Variants in CTNND2 observed in about 807,000 individuals in gnomAD.
CTNND2 encodes the protein catenin delta-2.
In CTNND2, 22 loss-of-function variants were observed where a neutral mutation model predicts 144.4. The ratio of observed to expected loss-of-function variants is 0.15; its 90% CI spans 0.11 to 0.22. The LOEUF (loss-of-function observed/expected upper bound fraction) is 0.22, where lower values mean the gene tolerates loss of function less well. Among genes scored for constraint, CTNND2 ranks in the 10% least tolerant of loss-of-function variants. The pLI is 1.00. For missense variants in CTNND2, 1,353 were observed against 1,618.8 expected (o/e 0.84, Z 2.82); for synonymous variants, 751 against 695.6 (o/e 1.08, Z -1.25).
intron 1 of CTNND2, among the ~76,000 whole-genome samples, chr5:11,841,854 T>C (rs1794490423): frequency 6.6e-6 from 1 of 151,296 alleles, no homozygotes; most frequent in Admixed American, 6.6e-5. Flanking sequence ...TAATAGCTCA[T>C]CTAGTATCCA....
At chr5:11,471,209 C>G (rs1430203310) in intron 3 of CTNND2, among the ~76,000 whole-genome samples, 1 of 151,624 alleles carries the variant, frequency 6.6e-6, no homozygotes, top group Non-Finnish European at 1.5e-5. Context: ...GATCTCCTGA[C>G]CTCATGATCC....
At chr5:11,287,265 G>A (rs746980230) in intron 9 of CTNND2, among the ~76,000 whole-genome samples, 4 of 152,124 alleles carry the variant, frequency 2.6e-5, no homozygotes, top group East Asian at 1.9e-4. Context: ...CCCAAAATGC[G>A]CATGGGCCTC....
intron 1 of CTNND2, among the ~76,000 whole-genome samples, chr5:11,782,317 A>T (rs1790583150): frequency 6.6e-6 from 1 of 152,218 alleles, no homozygotes; most frequent in African/African-American, 2.4e-5. Flanking sequence ...CAAATGTTTG[A>T]AAACCAGTGC....
intron 9 of CTNND2, among the ~76,000 whole-genome samples, chr5:11,261,423 A>G (rs946117028): frequency 5.9e-5 from 9 of 152,190 alleles, no homozygotes; most frequent in African/African-American, 2.2e-4. Flanking sequence ...AAGCTACCCA[A>G]TGTCCTCCCG....
intron 12 of CTNND2, among the ~76,000 whole-genome samples, chr5:11,129,322 A>T (rs1371246110): frequency 9.4e-6 from 1 of 106,814 alleles, no homozygotes; most frequent in Non-Finnish European, 1.8e-5. Flanking sequence ...AAATATATAT[A>T]ATATATATAT....
intron 3 of CTNND2, among the ~76,000 whole-genome samples, chr5:11,464,081 C>A (rs1047257632): frequency 6.6e-6 from 1 of 152,094 alleles, no homozygotes; most frequent in South Asian, 2.1e-4. Context: ...AAATTAAATT[C>A]TAAGTAGGTA....
At chr5:10,999,903 C>T (rs1281166292) in intron 18 of CTNND2, among the ~76,000 whole-genome samples, 1 of 152,226 alleles carries the variant, frequency 6.6e-6, no homozygotes, top group Non-Finnish European at 1.5e-5. Context: ...CCCAAAGCTA[C>T]AATCGTCCAT....
intron 3 of CTNND2, among the ~76,000 whole-genome samples, chr5:11,500,813 C>T (rs1770458493): frequency 6.6e-6 from 1 of 152,140 alleles, no homozygotes; most frequent in African/African-American, 2.4e-5. Flanking sequence ...ATGTGAAGAA[C>T]ATAAATAGAA....
At chr5:11,678,250 T>C (rs915090383) in intron 2 of CTNND2, among the ~76,000 whole-genome samples, 1 of 152,196 alleles carries the variant, frequency 6.6e-6, no homozygotes, top group Non-Finnish European at 1.5e-5. Flanking sequence ...CCTACTCTGA[T>C]AGAAATGTGT....
rs115788469 is a variant in CTNND2, at chr5:11,122,764, C to T, written c.2160-5197G>A. 2.6e-3 allele frequency among the ~76,000 whole-genome samples: 398 copies of T among 151,972 alleles called. 1 individual carries two copies. The highest frequency in any genetic ancestry group is 9.3e-3 in the African/African-American group (386 of 41,446). ...GGGCTGTCTGGAGGGTGTTAGAGAA[C>T]AGAACTAGGTTTAAGTGATACAGAG... On this transcript the variant is annotated intron_variant, in intron 12 of 21. Coordinates refer to ENST00000304623, the MANE Select transcript of CTNND2 (RefSeq NM_001332.4).
intron 2 of CTNND2, among the ~76,000 whole-genome samples, chr5:11,668,828 T>C (rs1783713941): frequency 6.6e-6 from 1 of 152,182 alleles, no homozygotes; most frequent in Admixed American, 6.5e-5. Flanking sequence ...AGAGATGACA[T>C]CCTTGTCTTG....
chr5:11,510,500 CT>C (rs1400019784), intron 3 of CTNND2, among the ~76,000 whole-genome samples: 3 of 152,162 alleles, frequency 2.0e-5, no homozygotes, highest in African/African-American at 7.2e-5. Context: ...ATTTGTACAG[CT>C]GAATAACCTT....
At chr5:11,740,940 T>C (rs1162694986) in intron 1 of CTNND2, among the ~76,000 whole-genome samples, 1 of 152,118 alleles carries the variant, frequency 6.6e-6, no homozygotes, top group Non-Finnish European at 1.5e-5. Context: ...AAGACAACAT[T>C]TATGCAGCCA....
At chr5:11,319,668 C>CT (rs934681240) in intron 9 of CTNND2, among the ~76,000 whole-genome samples, 2 of 152,074 alleles carry the variant, frequency 1.3e-5, no homozygotes, top group African/African-American at 4.8e-5. Context: ...TTACAGGCTC[C>CT]TGCCACCACA....
chr5:11,238,216 A>G (rs1248997347), intron 9 of CTNND2, among the ~76,000 whole-genome samples: 1 of 152,166 alleles, frequency 6.6e-6, no homozygotes, highest in East Asian at 1.9e-4. Context: ...CAGGGAACCA[A>G]TTTTTAACAG....
intron 14 of CTNND2, among the ~76,000 whole-genome samples, chr5:11,099,364 T>G (rs1751655645): frequency 6.6e-6 from 1 of 152,220 alleles, no homozygotes; most frequent in Admixed American, 6.5e-5. Flanking sequence ...TAGTTAAGTT[T>G]GCTTTGAATT....
At chr5:11,274,875 A>C (rs1246064286) in intron 9 of CTNND2, among the ~76,000 whole-genome samples, 2 of 152,226 alleles carry the variant, frequency 1.3e-5, no homozygotes, top group Non-Finnish European at 1.5e-5. Flanking sequence ...AAGTTCTAAA[A>C]ATATATTAAA....
intron 9 of CTNND2, among the ~76,000 whole-genome samples, chr5:11,312,515 C>G (rs1037683136): frequency 6.6e-6 from 1 of 152,046 alleles, no homozygotes; most frequent in African/African-American, 2.4e-5. Flanking sequence ...TTCACTATCA[C>G]GAGAATAGGA....
At chr5:11,167,878 T>TA (rs1049256509) in intron 11 of CTNND2, among the ~76,000 whole-genome samples, 3 of 151,178 alleles carry the variant, frequency 2.0e-5, no homozygotes, top group African/African-American at 7.3e-5. Flanking sequence ...CTTTTTTTTT[T>TA]TTTTTTTGGT....
Sources: allele counts gnomAD v4.1 joint callset (sites outside exome capture counted in the v4.1 genomes callset), GRCh38; gene constraint gnomAD v4.1.1; transcripts MANE v1.5; gene names NCBI Gene and HGNC (gene_info 2026-07-23, HGNC 2026-07-21).